The following PCSK5 variants were observed in gnomAD, a reference collection of about 807,000 sequenced individuals.
PCSK5 encodes proprotein convertase subtilisin/kexin type 5.
In PCSK5, 129 loss-of-function variants were observed where a neutral mutation model predicts 233.2. The observed-to-expected ratio is 0.55, with a 90% confidence interval of 0.48 to 0.64. The LOEUF (loss-of-function observed/expected upper bound fraction) is 0.64, where lower values mean the gene tolerates loss of function less well. Ranked by LOEUF, PCSK5 falls within the 30% of genes least tolerant of loss-of-function variation. PCSK5 has a pLI of 0.00. For missense variants in PCSK5, 2,076 were observed against 2,430.1 expected (o/e 0.85, Z 3.06); for synonymous variants, 825 against 879.2 (o/e 0.94, Z 1.09).
chr9:76,296,815 G>A lies in PCSK5; in HGVS notation c.3473G>A (p.Gly1158Glu), dbSNP rs1392357845. ...CAGGAAGGACTGCAGCTGCTGCGTG[G>A]GATGTGCGTGCATGCCACCAAGACC... ...SCQEGLQLLRGMCVHATKTQE... is the reference protein window; with the variant it reads ...SCQEGLQLLREMCVHATKTQE... The change falls in exon 27 of 38, where the codon GGG becomes GAG. Residue 1158 changes from glycine to glutamate, a missense_variant. Coordinates refer to ENST00000674117, the MANE Select transcript of PCSK5 (RefSeq NM_001372043.1). The A allele has an allele frequency of 1.9e-6, 3 of 1,612,468 alleles. No homozygotes were observed. The highest frequency in any genetic ancestry group is 3.3e-5 in the Admixed American group (2 of 59,990).
intron 5 of PCSK5, among the ~76,000 whole-genome samples, chr9:76,064,957 G>C (rs1830228980): frequency 6.6e-6 from 1 of 152,236 alleles, no homozygotes; most frequent in South Asian, 2.1e-4. Flanking sequence ...AAAGTGTTGG[G>C]ATTACAGGCA....
Position 75,938,614 on chromosome 9 carries a change from G to A in PCSK5, c.297+6131G>A, listed in dbSNP as rs75165497. Among the ~76,000 whole-genome samples, 536 of 152,326 alleles carry A rather than the reference G, an allele frequency of 3.5e-3. 1 individual carries two copies. Among genetic ancestry groups the A allele is most frequent in the Middle Eastern group, 0.017 (5 of 294 alleles). On this transcript the variant is annotated intron_variant, in intron 2 of 37. Transcript: ENST00000674117. Reference sequence around the variant, plus strand: ...TCAATTTGTAAAAAGCGCAATATCTGCAAAGTGCAATAAAGAGAAGTGCAA... The same window carrying A: ...TCAATTTGTAAAAAGCGCAATATCTACAAAGTGCAATAAAGAGAAGTGCAA...
chr9:76,062,357 A>T lies in PCSK5; in HGVS notation c.633-5598A>T, dbSNP rs577270929. Among the ~76,000 whole-genome samples, 13 of 152,360 alleles carry T rather than the reference A, an allele frequency of 8.5e-5. No homozygotes were observed. The East Asian group carries it at 1.3e-3, about 16-fold the overall frequency. On this transcript the variant is annotated intron_variant, in intron 5 of 37. Transcript: ENST00000674117. Reference sequence around the variant, plus strand: ...CTGAGACAGATATGACAGGGAAGAAATTAAGAAATTTGGGCAAAGGGCCTG... The same window carrying T: ...CTGAGACAGATATGACAGGGAAGAATTTAAGAAATTTGGGCAAAGGGCCTG...
intron 2 of PCSK5, among the ~76,000 whole-genome samples, chr9:75,981,437 C>G (rs536255841): frequency 6.6e-6 from 1 of 152,290 alleles, no homozygotes; most frequent in Non-Finnish European, 1.5e-5. Context: ...ATTACTTTAC[C>G]CAATTTTCTT....
chr9:76,328,495 C>G (rs558026188), intron 33 of PCSK5, among the ~76,000 whole-genome samples: 9 of 152,180 alleles, frequency 5.9e-5, no homozygotes, highest in African/African-American at 1.4e-4. Context: ...CTCTCTCCCC[C>G]CTTCTCACTC....
intron 1 of PCSK5, among the ~76,000 whole-genome samples, chr9:75,914,338 T>G (rs971495724): frequency 1.3e-5 from 2 of 152,168 alleles, no homozygotes; most frequent in African/African-American, 4.8e-5. Flanking sequence ...CCACGTCAGA[T>G]TTGGTTGTTA....
intron 2 of PCSK5, among the ~76,000 whole-genome samples, chr9:75,967,619 G>A (rs1298709574): frequency 6.6e-6 from 1 of 152,204 alleles, no homozygotes; most frequent in Non-Finnish European, 1.5e-5. Context: ...AGTGGTAAGA[G>A]CATGCTAAAG....
chr9:76,013,664 A>G (rs1267807642), intron 3 of PCSK5, among the ~76,000 whole-genome samples: 1 of 152,206 alleles, frequency 6.6e-6, no homozygotes, highest in Admixed American at 6.5e-5. Context: ...TGTTGTCAAA[A>G]GCTGATTGCA....
At chr9:76,263,726 T>C (rs1326985548) in intron 24 of PCSK5, among the ~76,000 whole-genome samples, 1 of 151,650 alleles carries the variant, frequency 6.6e-6, no homozygotes. Context: ...CATGTATACA[T>C]ATGTAACTAA....
At chr9:76,111,837 A>G (rs1832228885) in intron 9 of PCSK5, among the ~76,000 whole-genome samples, 1 of 152,234 alleles carries the variant, frequency 6.6e-6, no homozygotes, top group Admixed American at 6.5e-5. Context: ...AGTGTTTTGC[A>G]TCTAGGTCCT....
chr9:76,122,878 T>C (rs1476877984), intron 9 of PCSK5, among the ~76,000 whole-genome samples: 2 of 148,800 alleles, frequency 1.3e-5, no homozygotes, highest in Non-Finnish European at 3.0e-5. Flanking sequence ...TTGCCCAGGA[T>C]GGAGTGTAGT....
intron 3 of PCSK5, among the ~76,000 whole-genome samples, chr9:76,003,992 G>C (rs1198727686): frequency 6.6e-6 from 1 of 151,982 alleles, no homozygotes; most frequent in East Asian, 1.9e-4. Flanking sequence ...TGTAGAGCAG[G>C]GTTTCGTGTT....
chr9:76,112,054 G>T (rs1760452650), intron 9 of PCSK5, among the ~76,000 whole-genome samples: 1 of 152,098 alleles, frequency 6.6e-6, no homozygotes, highest in Admixed American at 6.5e-5. Context: ...TATTTTAGTG[G>T]AATATTTCAT....
In PCSK5 at chr9:75,919,269, C is replaced by T. The variant is rs117570845; in HGVS notation, c.193-13110C>T. Among the ~76,000 whole-genome samples the T allele has an allele frequency of 9.4e-4, 143 of 152,296 alleles. 3 individuals carry two copies. The East Asian group carries it at 0.025, about 26-fold the overall frequency. ...CCTTTGTTGTAATGCATCTGAGATT[C>T]ATCCTTGATTAATTAATCAGTAGTT... On this transcript the variant is annotated intron_variant, in intron 1 of 37. Transcript: ENST00000674117.
intron 4 of PCSK5, 47 bp from the exon 5 acceptor site, chr9:76,026,914 A>C: frequency 7.7e-7 from 1 of 1,298,994 alleles, no homozygotes. Context: ...TTGGCTAATT[A>C]ATGAATGTCC....
At chr9:76,021,801 A>G (rs563215554) in intron 3 of PCSK5, among the ~76,000 whole-genome samples, 1 of 152,304 alleles carries the variant, frequency 6.6e-6, no homozygotes, top group African/African-American at 2.4e-5. Context: ...GCTTCTGCTT[A>G]GGATGTAGTT....
intron 24 of PCSK5, among the ~76,000 whole-genome samples, chr9:76,291,542 T>A (rs1828277277): frequency 6.6e-6 from 1 of 152,114 alleles, no homozygotes; most frequent in Non-Finnish European, 1.5e-5. Flanking sequence ...AATAGCTAGA[T>A]CTGAGAGTTG....
intron 9 of PCSK5, among the ~76,000 whole-genome samples, chr9:76,110,690 T>C (rs1397512379): frequency 7.2e-5 from 11 of 151,860 alleles, no homozygotes; most frequent in Non-Finnish European, 1.6e-4. Flanking sequence ...AATGAGACCT[T>C]ATCTCAAAAA....
intron 2 of PCSK5, among the ~76,000 whole-genome samples, chr9:75,937,200 A>T (rs1587388144): frequency 7.4e-6 from 1 of 135,346 alleles, no homozygotes; most frequent in African/African-American, 2.8e-5. Context: ...TTTTTTTTTT[A>T]AAGAGTCTCG....
Sources: allele counts gnomAD v4.1 joint callset (sites outside exome capture counted in the v4.1 genomes callset), GRCh38; gene constraint gnomAD v4.1.1; transcripts MANE v1.5; gene names NCBI Gene and HGNC (gene_info 2026-07-23, HGNC 2026-07-21).